SYNE1: variants seen among roughly 807,000 people sequenced by gnomAD.
SYNE1 encodes spectrin repeat containing nuclear envelope protein 1, also known as nesprin-1.
A neutral mutation model predicts 1,111.0 loss-of-function variants in SYNE1; 616 were observed. That is an observed-to-expected ratio of 0.55 (90% CI 0.52 to 0.59). SYNE1 has a LOEUF of 0.59. Among genes scored for constraint, SYNE1 ranks in the 20% least tolerant of loss-of-function variants. The pLI, the probability that SYNE1 is intolerant of heterozygous loss-of-function variation, is 0.00. For missense variants in SYNE1, 10,006 were observed against 10,417.0 expected (o/e 0.96, Z 1.72); for synonymous variants, 3,855 against 3,825.8 (o/e 1.01, Z -0.28).
At chr6:152,417,765 G>A (rs2098185167) in intron 40 of SYNE1, among the ~76,000 whole-genome samples, 1 of 151,798 alleles carries the variant, frequency 6.6e-6, no homozygotes. Context: ...TTTAGAAGAT[G>A]CATGTATGTG....
intron 111 of SYNE1, 30 bp downstream of exon 111, chr6:152,234,638 G>A (rs1204385840): frequency 2.5e-6 from 4 of 1,613,970 alleles, no homozygotes; most frequent in Admixed American, 3.3e-5. Flanking sequence ...TTATAGGCCT[G>A]AATCAAATGC....
rs2098931410 is a variant in SYNE1 at position 152,484,940 on chromosome 6, C to T, written c.1080G>A (p.Met360Ile). 2 of 1,612,992 alleles carry T rather than the reference C, an allele frequency of 1.2e-6. No individual in the cohort carries two copies. The highest frequency in any genetic ancestry group is 1.7e-6 in the Non-Finnish European group (2 of 1,179,630). The change falls in exon 13 of 146, where the codon ATG (methionine) becomes ATA (isoleucine). Residue 360 changes from methionine (M) to isoleucine (I), a missense_variant. By Grantham distance (10) the Met-to-Ile change is conservative (BLOSUM62 1). Transcript: ENST00000367255. ...SFKHFRVQYE[M>I]KRKQIEHLIQ... Reference sequence around the variant, plus strand: ...TTAAATGTTCAATCTGTTTCCTCTTCATTTCATATTGAACTCTGAAGTGCT... The same window carrying T: ...TTAAATGTTCAATCTGTTTCCTCTTTATTTCATATTGAACTCTGAAGTGCT...
In SYNE1 at chr6:152,511,903, G is replaced by A. The variant is rs11155857; in HGVS notation, c.310-800C>T. On this transcript the variant is annotated intron_variant, in intron 6 of 145. Transcript: ENST00000367255. ...GTTGTTTGCTAAGTCCCAACAAAAT[G>A]GACTTACATGGTTAAGTCTATCTCA... Among the ~76,000 whole-genome samples, 24,743 of 151,974 alleles carry A rather than the reference G, an allele frequency of 0.16. 2,321 individuals are homozygous for A. Among genetic ancestry groups the A allele is most frequent in the East Asian group, 0.46 (2,378 of 5,162 alleles).
intron 114 of SYNE1, among the ~76,000 whole-genome samples, chr6:152,231,031 C>T (rs994510770): frequency 2.6e-5 from 4 of 151,942 alleles, no homozygotes; most frequent in African/African-American, 7.3e-5. Context: ...CGTCCTGGGC[C>T]GCATGCAGCC....
intron 63 of SYNE1, among the ~76,000 whole-genome samples, chr6:152,363,356 T>TGA (rs2096976302): frequency 2.7e-5 from 4 of 148,888 alleles, no homozygotes; most frequent in South Asian, 2.1e-4. Flanking sequence ...TAGCCGGGCA[T>TGA]GGTGGCGGGC....
chr6:152,314,472 C>T (rs539628998), intron 87 of SYNE1, among the ~76,000 whole-genome samples: 8 of 152,272 alleles, frequency 5.3e-5, no homozygotes, highest in Admixed American at 2.0e-4. Context: ...CCCTGGTGGG[C>T]GGTTGGGTTG....
chr6:152,308,320 C>G (rs1039680929), intron 91 of SYNE1, among the ~76,000 whole-genome samples, 169 bp downstream of exon 91: 11 of 152,114 alleles, frequency 7.2e-5, no homozygotes, highest in Admixed American at 5.9e-4. Context: ...GTTACTGAAT[C>G]AACAAAAACG....
intron 130 of SYNE1, among the ~76,000 whole-genome samples, chr6:152,170,896 G>A (rs2813499): frequency 0.29 from 44,572 of 152,028 alleles, 7,657 homozygotes; most frequent in East Asian, 0.57. Context: ...AGATAATTGA[G>A]TCATGGGGGT....
At chr6:152,609,046 T>C (rs2099623909) in intron 3 of SYNE1, among the ~76,000 whole-genome samples, 1 of 151,320 alleles carries the variant, frequency 6.6e-6, no homozygotes, top group Admixed American at 6.6e-5. Flanking sequence ...GCTCCCAGAG[T>C]GATCGACACA....
chr6:152,521,139 A>G (rs929435031), intron 5 of SYNE1, among the ~76,000 whole-genome samples: 1 of 152,182 alleles, frequency 6.6e-6, no homozygotes, highest in Non-Finnish European at 1.5e-5. Context: ...GAAGAGCATC[A>G]CTGTATTAAT....
chr6:152,436,203 G>A, intron 32 of SYNE1, 102 bp from the exon 33 acceptor site: 1 of 1,232,936 alleles, frequency 8.1e-7, no homozygotes, highest in Non-Finnish European at 1.1e-6. Context: ...GGTGGATGAA[G>A]ACATAGAGTC....
At chr6:152,198,207 G>C (rs116833670) in intron 127 of SYNE1, among the ~76,000 whole-genome samples, 2 of 152,168 alleles carry the variant, frequency 1.3e-5, no homozygotes, top group South Asian at 2.1e-4. Context: ...ATGTTATGGA[G>C]ATGGTTTGTT....
intron 31 of SYNE1, among the ~76,000 whole-genome samples, 157 bp downstream of exon 31, chr6:152,441,918 C>T (rs1014725841): frequency 2.6e-5 from 4 of 152,172 alleles, no homozygotes; most frequent in Non-Finnish European, 5.9e-5. Context: ...ATCTCTAAGG[C>T]TGATGTGATG....
rs992403819 is a variant in SYNE1 at position 152,142,935 on chromosome 6, G to A, written c.25119+688C>T. On this transcript the variant is annotated intron_variant, in intron 138 of 145. Transcript: ENST00000367255. Reference sequence around the variant, plus strand: ...CAGTCTTTTGGATATGAAAGAAGACGTGAGGCAGAGAAGAGACTGGCTTTA... The same window carrying A: ...CAGTCTTTTGGATATGAAAGAAGACATGAGGCAGAGAAGAGACTGGCTTTA... 5.9e-5 allele frequency among the ~76,000 whole-genome samples: 9 copies of A among 152,192 alleles called. No individual in the cohort carries two copies. The East Asian group carries it at 1.2e-3, about 20-fold the overall frequency.
chr6:152,616,414 A>T (rs189643260), intron 3 of SYNE1, among the ~76,000 whole-genome samples: 7 of 152,134 alleles, frequency 4.6e-5, no homozygotes, highest in Non-Finnish European at 7.3e-5. Context: ...CTCTACAAAA[A>T]TTTTTTAAAA....
chr6:152,330,918 G>T lies in SYNE1; in HGVS notation c.13767C>A (p.Ile4589=). Residue 4589 remains isoleucine (I), a synonymous_variant, in exon 78 of 146, where the codon ATC becomes ATA. Coordinates refer to ENST00000367255, the MANE Select transcript of SYNE1 (RefSeq NM_182961.4). ...KQADIVTFPE[I]NLMNESSELH... ...GCTCAGAACTCTCATTCATTAGGTT[G>T]ATTTCAGGAAATGTAACAATATCTG... 1 of 1,614,076 alleles carries T rather than the reference G, an allele frequency of 6.2e-7. No individual in the cohort carries two copies. Among genetic ancestry groups the T allele is most frequent in the Non-Finnish European group, 8.5e-7 (1 of 1,179,952 alleles).
At chr6:152,140,443 C>T (rs991292776) in intron 139 of SYNE1, among the ~76,000 whole-genome samples, 3 of 152,140 alleles carry the variant, frequency 2.0e-5, no homozygotes, top group East Asian at 1.9e-4. Context: ...TGAGCACGAA[C>T]GATCGTTCAA....
intron 39 of SYNE1, among the ~76,000 whole-genome samples, chr6:152,421,781 C>A (rs1312383461): frequency 2.6e-5 from 4 of 151,858 alleles, no homozygotes; most frequent in Non-Finnish European, 5.9e-5. Flanking sequence ...TCTTGGCTCA[C>A]TGCAATCTCT....
rs117403857 is a variant in SYNE1, at chr6:152,201,436, G to C, written c.23145+388C>G. Reference sequence around the variant, plus strand: ...TCTAGAGGGCAGGGTGTGTTCTTTGGAGGGCCACTGTCTGCAGATTTTCCA... The same window carrying C: ...TCTAGAGGGCAGGGTGTGTTCTTTGCAGGGCCACTGTCTGCAGATTTTCCA... On this transcript the variant is annotated intron_variant, in intron 127 of 145. Coordinates refer to ENST00000367255, the MANE Select transcript of SYNE1 (RefSeq NM_182961.4). Among the ~76,000 whole-genome samples the C allele has an allele frequency of 2.7e-3, 411 of 150,802 alleles. 3 individuals carry two copies. Among genetic ancestry groups the C allele is most frequent in the Admixed American group, 0.019 (290 of 15,158 alleles).
Sources: allele counts gnomAD v4.1 joint callset (sites outside exome capture counted in the v4.1 genomes callset), GRCh38; gene constraint gnomAD v4.1.1; transcripts MANE v1.5; gene names NCBI Gene and HGNC (gene_info 2026-07-23, HGNC 2026-07-21).